The following ANO3 variants were observed in gnomAD, a reference collection of about 807,000 sequenced individuals.
The protein encoded by ANO3 is anoctamin-3.
A neutral mutation model predicts 144.8 loss-of-function variants in ANO3; 99 were observed. That is an observed-to-expected ratio of 0.68 (90% confidence interval 0.58 to 0.81). The LOEUF is 0.81. Ranked by LOEUF, ANO3 falls within the 30% of genes least tolerant of loss-of-function variation. The pLI is 0.00. For missense variants in ANO3, 905 were observed against 1,202.2 expected, an observed-to-expected ratio of 0.75 and a Z score of 3.66; for synonymous variants, 414 against 392.6, an observed-to-expected ratio of 1.05 and a Z score of -0.64.
At chr11:26,455,943 T>C (rs1859139295) in intron 3 of ANO3, among the ~76,000 whole-genome samples, 1 of 151,744 alleles carries the variant, frequency 6.6e-6, no homozygotes, top group Admixed American at 6.6e-5. Flanking sequence ...ATCTGATCTT[T>C]GACAAACCTG....
chr11:26,332,007 C>A, upstream of ANO3: 1 of 940,688 alleles, frequency 1.1e-6, no homozygotes, highest in Non-Finnish European at 1.5e-6. Context: ...ACGCCCACCC[C>A]TCACTGTGGC....
intron 1 of ANO3, among the ~76,000 whole-genome samples, chr11:26,380,968 C>T (rs747318716): frequency 2.0e-5 from 3 of 151,910 alleles, no homozygotes; most frequent in South Asian, 2.1e-4. Context: ...GGTGACAGAG[C>T]GAGACTTCAA....
At chr11:26,499,312 CT>C (rs567305124) in intron 4 of ANO3, among the ~76,000 whole-genome samples, 12 of 150,456 alleles carry the variant, frequency 8.0e-5, no homozygotes, top group Non-Finnish European at 1.3e-4. Flanking sequence ...CATGTACCAG[CT>C]TTTTTTTTAT....
At chr11:26,452,577 A>G (rs1340712920) in intron 3 of ANO3, among the ~76,000 whole-genome samples, 1 of 152,230 alleles carries the variant, frequency 6.6e-6, no homozygotes, top group Non-Finnish European at 1.5e-5. Context: ...ATATGGGACT[A>G]TGTGAAAAGA....
At chr11:26,503,947 CA>C (rs1861302533) in intron 4 of ANO3, among the ~76,000 whole-genome samples, 3 of 152,090 alleles carry the variant, frequency 2.0e-5, no homozygotes, top group African/African-American at 7.2e-5. Flanking sequence ...TAGGTCTTCT[CA>C]TTGAACAACA....
rs148119175 is a variant in ANO3 at position 26,196,230 on chromosome 11, T to A, written c.154+6900T>A. Among the ~76,000 whole-genome samples the A allele has an allele frequency of 2.6e-3, 397 of 152,114 alleles. 2 individuals carry two copies. Among genetic ancestry groups the A allele is most frequent in the African/African-American group, 9.1e-3 (379 of 41,502 alleles). ...TGCAAAAAATACAAAGATCTGGGAG[T>A]CAGTCTAACCATCTTTAGTAATATA... On this transcript the variant is annotated intron_variant, in intron 1 of 27. Coordinates refer to the ANO3 transcript ENST00000672621.
intron 1 of ANO3, among the ~76,000 whole-genome samples, chr11:26,201,091 A>C (rs1293977742): frequency 6.6e-6 from 1 of 152,160 alleles, no homozygotes; most frequent in Non-Finnish European, 1.5e-5. Context: ...CAAAGCTGGC[A>C]CATTCTCCCT....
At chr11:26,437,061 G>A (rs1485197070) in intron 1 of ANO3, among the ~76,000 whole-genome samples, 1 of 152,188 alleles carries the variant, frequency 6.6e-6, no homozygotes, top group Non-Finnish European at 1.5e-5. Flanking sequence ...TCTCAGGGAG[G>A]TGTAACAGTG....
chr11:26,476,483 AAC>A (rs1859974838), intron 4 of ANO3, among the ~76,000 whole-genome samples: 1 of 152,096 alleles, frequency 6.6e-6, no homozygotes, highest in African/African-American at 2.4e-5. Flanking sequence ...ATATGGCAAA[AAC>A]ACAGAAACTG....
At chr11:26,426,272 G>A (rs2134004358) in intron 1 of ANO3, among the ~76,000 whole-genome samples, 1 of 152,216 alleles carries the variant, frequency 6.6e-6, no homozygotes, top group East Asian at 1.9e-4. Flanking sequence ...AGCTTTTGTT[G>A]TTGACTTTTT....
chr11:26,328,955 T>C (rs1348877989), upstream of ANO3, among the ~76,000 whole-genome samples: 1 of 152,158 alleles, frequency 6.6e-6, no homozygotes, highest in Non-Finnish European at 1.5e-5. Context: ...TTTTTTTTTC[T>C]ACTTTGGAAA....
intron 18 of ANO3, among the ~76,000 whole-genome samples, chr11:26,624,907 G>A (rs1174088817): frequency 1.3e-5 from 2 of 151,460 alleles, no homozygotes; most frequent in African/African-American, 4.8e-5. Context: ...TATACCAAAG[G>A]AACTACTTTT....
At chr11:26,457,668 A>G (rs1194690077) in intron 3 of ANO3, among the ~76,000 whole-genome samples, 3 of 152,178 alleles carry the variant, frequency 2.0e-5, no homozygotes, top group African/African-American at 7.2e-5. Context: ...AACAAATGAT[A>G]AAACAAAGAT....
intron 4 of ANO3, among the ~76,000 whole-genome samples, chr11:26,504,793 G>T (rs559870022): frequency 9.5e-3 from 200 of 21,068 alleles, no homozygotes; most frequent in African/African-American, 0.021. Context: ...GGAGGCCAAG[G>T]CGGGCAGATC....
chr11:26,460,229 AT>A, intron 3 of ANO3: 1 of 320,760 alleles, frequency 3.1e-6, no homozygotes, highest in South Asian at 2.6e-5. Flanking sequence ...ATATTTTTTC[AT>A]TTTTATTCTG....
intron 21 of ANO3, 48 bp from the exon 22 acceptor site, chr11:26,641,848 G>T (rs1313147942): frequency 6.3e-7 from 1 of 1,577,770 alleles, no homozygotes; most frequent in African/African-American, 1.4e-5. Flanking sequence ...TTGTTAACCA[G>T]ATGCTTGAAT....
At chr11:26,525,530 G>A (rs887629230) in intron 6 of ANO3, 105 bp from the exon 7 acceptor site, 32 of 814,844 alleles carry the variant, frequency 3.9e-5, no homozygotes, top group Admixed American at 5.2e-5. Context: ...TTAAGCATAC[G>A]GAACTTGGAG....
intron 8 of ANO3, among the ~76,000 whole-genome samples, chr11:26,531,614 G>C (rs1391205922): frequency 6.6e-6 from 1 of 152,062 alleles, no homozygotes; most frequent in Non-Finnish European, 1.5e-5. Context: ...TACTGTAGTA[G>C]TGACTCAGTT....
At chr11:26,565,389 G>A in intron 14 of ANO3, 1 of 1,613,216 alleles carries the variant, frequency 6.2e-7, no homozygotes, top group Non-Finnish European at 8.5e-7. Context: ...AGTTTTCACG[G>A]TGTCATTGAC....
Sources: gnomAD v4.1 joint callset for allele counts (sites outside exome capture counted in the v4.1 genomes callset) on GRCh38, gnomAD v4.1.1 for gene constraint, MANE v1.5 for transcripts, NCBI Gene and HGNC (gene_info 2026-07-23, HGNC 2026-07-21) for gene names.